Variants in SCMH1 observed in about 807,000 individuals in gnomAD.
SCMH1 encodes the protein polycomb protein SCMH1.
A neutral mutation model predicts 70.8 loss-of-function variants in SCMH1; 37 were observed. That is an observed-to-expected ratio of 0.52 (90% CI 0.40 to 0.69). The LOEUF (loss-of-function observed/expected upper bound fraction) is 0.69, where lower values mean the gene tolerates loss of function less well. Ranked by LOEUF, SCMH1 falls within the 30% of genes least tolerant of loss-of-function variation. SCMH1 has a pLI of 0.00. For synonymous variants in SCMH1, 292 were observed against 307.4 expected (o/e 0.95, Z 0.52); for missense variants, 607 against 827.3 (o/e 0.73, Z 3.27).
At chr1:41,098,411 C>G (rs1195829919) in intron 8 of SCMH1, among the ~76,000 whole-genome samples, 2 of 152,098 alleles carry the variant, frequency 1.3e-5, no homozygotes, top group Admixed American at 1.3e-4. Context: ...TTAATATGTG[C>G]CAGGTGTTCT....
intron 1 of SCMH1, among the ~76,000 whole-genome samples, chr1:41,200,101 C>G (rs1168538398): frequency 6.6e-6 from 1 of 152,120 alleles, no homozygotes; most frequent in Non-Finnish European, 1.5e-5. Flanking sequence ...GCTTTCAGAT[C>G]TTTTTTGATT....
In SCMH1 at chr1:41,113,249, T is replaced by A. The variant is rs1483800299; in HGVS notation, c.745+34A>T. On this transcript the variant is annotated intron_variant, in intron 8 of 14. Coordinates refer to ENST00000337495, the Ensembl canonical transcript of SCMH1. The surrounding 1 kb of genome is among the most constrained non-coding windows in gnomAD (Gnocchi z 4.3). ...TGGGTAGTCTCCCTTATCATCTGGG[T>A]CCTGATTTCAAGAGCACGTAGATGG... 1 of 1,601,310 alleles carries A rather than the reference T, an allele frequency of 6.2e-7. No individual in the cohort carries two copies. Among genetic ancestry groups the A allele is most frequent in the Non-Finnish European group, 8.5e-7 (1 of 1,174,532 alleles).
At chr1:41,166,483 T>C (rs1472303388) in intron 2 of SCMH1, among the ~76,000 whole-genome samples, 1 of 152,128 alleles carries the variant, frequency 6.6e-6, no homozygotes, top group Admixed American at 6.5e-5. Flanking sequence ...AAACACTGGG[T>C]ATCTTTCCAC....
At chr1:41,187,628 G>C (rs1650572774) in intron 1 of SCMH1, among the ~76,000 whole-genome samples, 1 of 151,902 alleles carries the variant, frequency 6.6e-6, no homozygotes, top group Admixed American at 6.6e-5. Flanking sequence ...TTAATGGCTG[G>C]GTGTGGTGGC....
rs181540515 is a variant in SCMH1 at position 41,218,550 on chromosome 1, A to T, written c.-118+23509T>A. Among the ~76,000 whole-genome samples, 8 of 152,298 alleles carry T rather than the reference A, an allele frequency of 5.3e-5. No individual in the cohort carries two copies. In the East Asian group the frequency reaches 1.5e-3, roughly 29 times the overall value. On this transcript the variant is annotated intron_variant, in intron 1 of 14. Transcript: ENST00000337495. The stretch of plus-strand genomic sequence containing the variant: ...GTCTCTGAGGGAGCATGGCCTAGTT[A>T]ATACCTTAATATTAGACTTCTAGCC...
At chr1:41,169,273 T>C (rs1482462990) in intron 2 of SCMH1, among the ~76,000 whole-genome samples, 2 of 152,174 alleles carry the variant, frequency 1.3e-5, no homozygotes, top group Non-Finnish European at 2.9e-5. Context: ...TGAGATTAGC[T>C]AGAGGGCTAC....
At chr1:41,202,289 C>G (rs544119433) in intron 1 of SCMH1, among the ~76,000 whole-genome samples, 1 of 151,952 alleles carries the variant, frequency 6.6e-6, no homozygotes, top group Non-Finnish European at 1.5e-5. Flanking sequence ...CTGCCTTGGC[C>G]TCCCAAAGTG....
intron 4 of SCMH1, among the ~76,000 whole-genome samples, chr1:41,157,135 G>C (rs1168530603): frequency 2.0e-5 from 3 of 151,774 alleles, no homozygotes; most frequent in African/African-American, 7.3e-5. Flanking sequence ...TTTCTTTGTA[G>C]TAGAGACAAG....
At chr1:41,139,292 G>C (rs369631114) in intron 6 of SCMH1, among the ~76,000 whole-genome samples, 32 of 152,176 alleles carry the variant, frequency 2.1e-4, no homozygotes, top group African/African-American at 5.5e-4. Flanking sequence ...GGCCCCCATT[G>C]TTCTCTCCCT....
intron 5 of SCMH1, among the ~76,000 whole-genome samples, chr1:41,147,618 T>G (rs1229036766): frequency 6.6e-6 from 1 of 152,160 alleles, no homozygotes; most frequent in Admixed American, 6.5e-5. Flanking sequence ...TACTTGTTCT[T>G]TTATTACACA....
chr1:41,046,736 C>A, intron 11 of SCMH1, 138 bp from the exon 12 acceptor site: 1 of 686,346 alleles, frequency 1.5e-6, no homozygotes, highest in South Asian at 1.9e-5. Context: ...TTTCCTCCCT[C>A]CCTCCCTTTA....
chr1:41,043,366 T>C (rs1042475931), intron 12 of SCMH1: 2 of 152,094 alleles, frequency 1.3e-5, no homozygotes, highest in African/African-American at 2.4e-5. Context: ...AGTGCCGGGA[T>C]TACAGGCATG....
chr1:41,028,241 G>A (rs1644003121), exon 15 of SCMH1: 3 of 1,614,034 alleles, frequency 1.9e-6, no homozygotes. Context: ...GAGAGCTTGA[G>A]TGCAGGCCCC....
chr1:41,074,341 C>G (rs1488933090), intron 9 of SCMH1, among the ~76,000 whole-genome samples: 4 of 152,038 alleles, frequency 2.6e-5, no homozygotes, highest in African/African-American at 9.7e-5. Flanking sequence ...GCCATGTGAT[C>G]TTAGAAAAAT....
intron 10 of SCMH1, among the ~76,000 whole-genome samples, chr1:41,049,474 A>T (rs941977359): frequency 6.9e-6 from 1 of 145,524 alleles, no homozygotes; most frequent in South Asian, 2.1e-4. Context: ...AAATTGGATT[A>T]AAAAAAAAAA....
intron 1 of SCMH1, among the ~76,000 whole-genome samples, chr1:41,192,834 C>T (rs1652060424): frequency 2.6e-5 from 4 of 152,186 alleles, no homozygotes; most frequent in African/African-American, 9.7e-5. Flanking sequence ...TTATGCTTCA[C>T]CAATTCACAT....
At chr1:41,143,415 G>A (rs1644276502) in intron 5 of SCMH1, among the ~76,000 whole-genome samples, 1 of 152,016 alleles carries the variant, frequency 6.6e-6, no homozygotes, top group Non-Finnish European at 1.5e-5. Flanking sequence ...TCCAGGTAGG[G>A]ACTTTTAATC....
At chr1:41,235,196 A>T (rs1205827440) in intron 1 of SCMH1, among the ~76,000 whole-genome samples, 19 of 152,208 alleles carry the variant, frequency 1.2e-4, no homozygotes, top group Admixed American at 1.2e-3. Context: ...GTTCACTCTA[A>T]TATTAGTGGT....
intron 6 of SCMH1, among the ~76,000 whole-genome samples, chr1:41,119,040 T>C (rs1245807351): frequency 1.3e-5 from 2 of 152,306 alleles, no homozygotes; most frequent in East Asian, 3.9e-4. Flanking sequence ...ACAATTTATT[T>C]GAAGTTAAAT....
Sources: gnomAD v4.1 joint callset for allele counts (sites outside exome capture counted in the v4.1 genomes callset) on GRCh38, gnomAD v4.1.1 for gene constraint, Gnocchi (gnomAD v3.1) non-coding constraint, MANE v1.5 for transcripts, NCBI Gene and HGNC (gene_info 2026-07-23, HGNC 2026-07-21) for gene names.